Variants in GSTA1 observed in about 807,000 individuals in gnomAD.
GSTA1 encodes the protein glutathione S-transferase alpha 1, also known as glutathione S-transferase A1.
Under a neutral mutation model 21.5 loss-of-function variants are expected in GSTA1, and 23 were observed. The ratio of observed to expected loss-of-function variants is 1.07; its 90% CI spans 0.77 to 1.52. The LOEUF (loss-of-function observed/expected upper bound fraction) is 1.52, where lower values mean the gene tolerates loss of function less well. Among genes scored for constraint, GSTA1 ranks in the 40% most tolerant of loss-of-function variants. The pLI, the probability that GSTA1 is intolerant of heterozygous loss-of-function variation, is 0.00. For missense variants in GSTA1, 301 were observed against 264.2 expected (o/e 1.14, Z -0.96); for synonymous variants, 125 against 90.0 (o/e 1.39, Z -2.20).
In GSTA1 at chr6:52,796,238, G is replaced by T; in HGVS notation, c.216C>A (p.Leu72=). ...GGTTGTATTTGCTGGCAATGTAGTT[G>T]AGAATGGCTCTGGTCTGCACCAGCT... ...GMKLVQTRAI[L]NYIASKYNLY... The change falls in exon 4 of 7, where the codon CTC becomes CTA. Residue 72 remains leucine, a synonymous_variant. Coordinates refer to ENST00000334575, the MANE Select transcript of GSTA1 (RefSeq NM_145740.5). 6.2e-7 allele frequency: 1 copy of T among 1,613,708 alleles called. No homozygotes were observed. The highest frequency in any genetic ancestry group is 8.5e-7 in the Non-Finnish European group (1 of 1,179,922).
Position 52,796,159 on chromosome 6 carries a change from G to A in GSTA1, c.272+23C>T, listed in dbSNP as rs370197411. 6.8e-6 allele frequency: 11 copies of A among 1,611,978 alleles called. No individual in the cohort carries two copies. In the African/African-American group the frequency reaches 1.5e-4, roughly 22 times the overall value. On this transcript the variant is annotated intron_variant, in intron 4 of 6. Transcript: ENST00000334575. ...AATCACTCTGTGTTCTCTGTGGATG[G>A]AAGAACAGAAAATATACCGTACAGG...
rs139503836 is a variant in GSTA1 at position 52,797,770 on chromosome 6, G to A, written c.88-133C>T. The A allele has an allele frequency of 6.4e-3, 4,587 of 715,878 alleles. 30 individuals are homozygous for A. The highest frequency in any genetic ancestry group is 0.012 in the African/African-American group (676 of 56,382). The allele number at this position is 715,878 out of a possible 1,614,324, so 44.3% of individuals were successfully genotyped here. ...TTTGGCAGGGTACACAGAGGGGGCT[G>A]GTCATGGCCATTTGGAAATTTAGAC... On this transcript the variant is annotated intron_variant, in intron 2 of 6. Transcript: ENST00000334575.
At chr6:52,796,543 A>ATATATATATTTT (rs1300549721) in intron 3 of GSTA1, among the ~76,000 whole-genome samples, 6 of 23,758 alleles carry the variant, frequency 2.5e-4, no homozygotes, top group South Asian at 1.6e-3. Flanking sequence ...ATATATATAT[A>ATATATATATTTT]TTTTTTTTTT....
rs758188922 is a variant in GSTA1, at chr6:52,795,239, G to GT, written c.272+942dup. On this transcript the variant is annotated intron_variant, in intron 4 of 6. Coordinates refer to ENST00000334575, the MANE Select transcript of GSTA1 (RefSeq NM_145740.5). ...TATAATATGTGGCCTTCTGTGTCTT[G>GT]TTTCTTTTATGTAACATGTCTTATG... Among the ~76,000 whole-genome samples the GT allele has an allele frequency of 7.8e-4, 119 of 151,966 alleles. 1 individual carries two copies. Among genetic ancestry groups the GT allele is most frequent in the Non-Finnish European group, 1.4e-3 (98 of 67,946 alleles).
intron 6 of GSTA1, among the ~76,000 whole-genome samples, chr6:52,792,413 G>C (rs149180090): frequency 6.6e-6 from 1 of 152,162 alleles, no homozygotes; most frequent in South Asian, 2.1e-4. Context: ...GATACAGTGT[G>C]GGGGGCCAGT....
At position 52,791,631 on chromosome 6, in the gene GSTA1, G is replaced by A. The variant is rs1052119; in HGVS notation, c.*227C>T. ...ACTGAATTTTTAATTCCAGGAAAAT[G>A]GTTGGCTAGGAGAAGATTGGAAATC... On this transcript the variant is annotated 3_prime_UTR_variant, in exon 7 of 7. Coordinates refer to ENST00000334575, the MANE Select transcript of GSTA1 (RefSeq NM_145740.5). The A allele has an allele frequency of 1.5e-5, 7 of 462,462 alleles. No individual in the cohort carries two copies. Among genetic ancestry groups the A allele is most frequent in the African/African-American group, 1.0e-4 (5 of 50,090 alleles). The allele number at this position is 462,462 out of a possible 1,614,324, so 28.6% of individuals were successfully genotyped here. A position where few individuals can be genotyped will look rare whatever the true frequency, so the allele number is the denominator to read the frequency against.
chr6:52,800,228 T>C (rs1191869323), intron 1 of GSTA1, among the ~76,000 whole-genome samples: 2 of 152,230 alleles, frequency 1.3e-5, no homozygotes, highest in Non-Finnish European at 2.9e-5. Context: ...GCAGTTGTTA[T>C]TCTCATTTTA....
At position 52,796,201 on chromosome 6, in the gene GSTA1, C is replaced by G; in HGVS notation, c.253G>C (p.Asp85His). ...IASKYNLYGK[D>H]IKERALIDMY... is the part of the protein sequence containing the mutation. ...CCGTACAGGGCTCTCTCCTTTATGT[C>G]TTTCCCATAGAGGTTGTATTTGCTG... is the stretch of plus-strand genomic sequence containing the variant. Residue 85 changes from aspartate to histidine, a missense_variant, in exon 4 of 7, where the codon GAC (aspartate) becomes CAC (histidine). Physicochemically the swap from Asp to His is moderately conservative, Grantham distance 81 (BLOSUM62 -1). Coordinates refer to ENST00000334575, the MANE Select transcript of GSTA1 (RefSeq NM_145740.5). 1 of 1,613,758 alleles carries G rather than the reference C, an allele frequency of 6.2e-7. No homozygotes were observed. The highest frequency in any genetic ancestry group is 8.5e-7 in the Non-Finnish European group (1 of 1,179,894).
chr6:52,801,728 C>T (rs950455364), intron 1 of GSTA1, among the ~76,000 whole-genome samples: 1 of 152,136 alleles, frequency 6.6e-6, no homozygotes, highest in African/African-American at 2.4e-5. Flanking sequence ...CAAGGATTTG[C>T]CATGGGTCAC....
At chr6:52,802,696 G>A (rs73740647) in intron 1 of GSTA1, among the ~76,000 whole-genome samples, 1,678 of 152,080 alleles carry the variant, frequency 0.011, 21 homozygotes, top group African/African-American at 0.038. Context: ...ATCGTTCTAT[G>A]TATCTATCTC....
rs201428587 is a variant in GSTA1, at chr6:52,794,197, A to G, written c.342T>C (p.Pro114=). ...EMILLLPVCP[P]EEKDAKLALI... ...AGGCAAGCTTGGCATCTTTTTCCTC[A>G]GGTGGACATACGGGCAGAAGGAGGA... The change falls in exon 5 of 7, where the codon CCT becomes CCC. Residue 114 remains proline (P), a synonymous_variant. Transcript: ENST00000334575. 1.2e-6 allele frequency: 2 copies of G among 1,614,018 alleles called. No homozygotes were observed.
intron 4 of GSTA1, 131 bp downstream of exon 4, chr6:52,796,051 G>A: frequency 7.6e-7 from 1 of 1,318,920 alleles, no homozygotes; most frequent in Non-Finnish European, 1.1e-6. Flanking sequence ...TGCAATACTG[G>A]ACCTCAGCGT....
chr6:52,794,827 G>C (rs1763539048), intron 4 of GSTA1, among the ~76,000 whole-genome samples: 1 of 152,116 alleles, frequency 6.6e-6, no homozygotes, highest in Admixed American at 6.5e-5. Flanking sequence ...CTAGCCATGT[G>C]TGCCTTTCCT....
chr6:52,799,440 T>C (rs1225812010), intron 1 of GSTA1, 143 bp from the exon 2 acceptor site: 1 of 603,662 alleles, frequency 1.7e-6, no homozygotes, highest in Non-Finnish European at 2.8e-6. Context: ...TGGAATGTTT[T>C]CTTGGCTCAA....
In GSTA1 at chr6:52,792,856, C is replaced by T. The variant is rs771689323; in HGVS notation, c.546G>A (p.Lys182=). 1.2e-5 allele frequency: 20 copies of T among 1,613,806 alleles called. No homozygotes were observed. In the South Asian group the frequency reaches 1.8e-4, roughly 14 times the overall value. The change falls in exon 6 of 7, where the codon AAG becomes AAA. Residue 182 remains lysine (K), a splice_region_variant and synonymous_variant. Coordinates refer to ENST00000334575, the MANE Select transcript of GSTA1 (RefSeq NM_145740.5). The part of the protein sequence containing the change: ...SSLISSFPLL[K]ALKTRISNLP... ...CTCTCTGGGCTGTGAAATGGGTCACCTTCAGCAGAGGGAAGCTGGAGATAA... is the reference window on the plus strand; with the variant it reads ...CTCTCTGGGCTGTGAAATGGGTCACTTTCAGCAGAGGGAAGCTGGAGATAA...
At chr6:52,801,217 A>G (rs1763709502) in intron 1 of GSTA1, among the ~76,000 whole-genome samples, 1 of 152,206 alleles carries the variant, frequency 6.6e-6, no homozygotes, top group South Asian at 2.1e-4. Context: ...TGTATGACTA[A>G]AATTAGGCAT....
intron 5 of GSTA1, 49 bp from the exon 6 acceptor site, chr6:52,793,036 G>A (rs772379172): frequency 1.9e-6 from 3 of 1,612,900 alleles, no homozygotes; most frequent in East Asian, 2.2e-5. Context: ...ACCCAGGCTA[G>A]GACCCCTGCT....
At chr6:52,799,022 A>C (rs1421799575) in intron 2 of GSTA1, among the ~76,000 whole-genome samples, 159 bp downstream of exon 2, 1 of 152,246 alleles carries the variant, frequency 6.6e-6, no homozygotes, top group Non-Finnish European at 1.5e-5. Context: ...AGAAATTTTA[A>C]GAATTAATAG....
intron 4 of GSTA1, 40 bp from the exon 5 acceptor site, chr6:52,794,306 C>T: frequency 1.3e-6 from 2 of 1,579,444 alleles, no homozygotes; most frequent in Non-Finnish European, 1.7e-6. Flanking sequence ...ATACCTTTTG[C>T]CTTAGATTTT....
Sources: gnomAD v4.1 joint callset for allele counts (sites outside exome capture counted in the v4.1 genomes callset) on GRCh38, gnomAD v4.1.1 for gene constraint, MANE v1.5 for transcripts, NCBI Gene and HGNC (gene_info 2026-07-23, HGNC 2026-07-21) for gene names.